Variants in JARID2 observed in about 807,000 individuals in gnomAD.
JARID2 encodes the protein jumonji and AT-rich interaction domain containing 2.
Under a neutral mutation model 125.6 loss-of-function variants are expected in JARID2, and 21 were observed. The observed-to-expected ratio is 0.17, with a 90% confidence interval of 0.12 to 0.24. The LOEUF (loss-of-function observed/expected upper bound fraction) is 0.24, where lower values mean the gene tolerates loss of function less well. Among genes scored for constraint, JARID2 ranks in the 10% least tolerant of loss-of-function variants. JARID2 has a pLI of 1.00. For synonymous variants in JARID2, 736 were observed against 661.6 expected, an observed-to-expected ratio of 1.11 and a Z score of -1.73; for missense variants, 1,303 against 1,639.6, an observed-to-expected ratio of 0.79 and a Z score of 3.55.
intron 2 of JARID2, among the ~76,000 whole-genome samples, chr6:15,408,594 AGTAGGTGAAATCAAT>A (rs1307519198): frequency 6.6e-6 from 1 of 152,266 alleles, no homozygotes. Flanking sequence ...ACTCAAAAGA[AGTAGGTGAAATCAAT>A]GTTAATATAT....
chr6:15,365,933 TAAATC>T (rs1763957920), intron 1 of JARID2, among the ~76,000 whole-genome samples: 1 of 152,180 alleles, frequency 6.6e-6, no homozygotes, highest in Non-Finnish European at 1.5e-5. Context: ...TTTTTGGAAT[TAAATC>T]AATTGGAAAT....
intron 11 of JARID2, 121 bp downstream of exon 11, chr6:15,507,537 C>G: frequency 1.4e-6 from 1 of 711,292 alleles, no homozygotes; most frequent in Non-Finnish European, 2.4e-6. Context: ...TTCAGGCTTA[C>G]AGGACATACA....
intron 1 of JARID2, among the ~76,000 whole-genome samples, chr6:15,269,359 A>C (rs558040088): frequency 2.6e-5 from 4 of 152,076 alleles, no homozygotes; most frequent in Non-Finnish European, 5.9e-5. Context: ...TTGAACCTTC[A>C]GCATTTTTTA....
At chr6:15,287,041 G>A (rs1028746557) in intron 1 of JARID2, among the ~76,000 whole-genome samples, 1 of 152,106 alleles carries the variant, frequency 6.6e-6, no homozygotes, top group Admixed American at 6.5e-5. Flanking sequence ...TGAACCTGAG[G>A]CTTGAACCTG....
chr6:15,284,511 C>CT (rs11286654), intron 1 of JARID2, among the ~76,000 whole-genome samples: 3,126 of 140,282 alleles, frequency 0.022, 62 homozygotes, highest in Admixed American at 0.073. Flanking sequence ...TTTTATAATC[C>CT]TTTTTTTTTT....
At position 15,286,137 on chromosome 6, in the gene JARID2, G is replaced by C. The variant is rs545236132; in HGVS notation, c.45+39553G>C. ...AGCCAATTGCTTGACTCTCCTTTGG[G>C]TGAGTGGCTAAGTAAGTTAACAAGT... is the stretch of plus-strand genomic sequence containing the variant. On this transcript the variant is annotated intron_variant, in intron 1 of 17. Transcript: ENST00000341776. Among the ~76,000 whole-genome samples the C allele has an allele frequency of 4.7e-4, 71 of 152,292 alleles. 1 individual carries two copies. The highest frequency in any genetic ancestry group is 1.4e-3 in the African/African-American group (59 of 41,572).
intron 2 of JARID2, among the ~76,000 whole-genome samples, chr6:15,383,378 TC>T (rs1764665203): frequency 6.6e-6 from 1 of 151,472 alleles, no homozygotes; most frequent in African/African-American, 2.4e-5. Context: ...AATTAATAAC[TC>T]CCCCTCCATG....
In JARID2 at chr6:15,520,844, A is replaced by G. The variant is rs1240780716; in HGVS notation, c.*593A>G. ...TGAAGGCGGACGTTGTTTCCTAACC[A>G]TAGGTGGAACGAGGAGACGGGAGCG... On this transcript the variant is annotated 3_prime_UTR_variant, in exon 18 of 18. Transcript: ENST00000341776. 6.6e-6 allele frequency: 3 copies of G among 455,790 alleles called. No individual in the cohort carries two copies. Among genetic ancestry groups the G allele is most frequent in the Middle Eastern group, 3.2e-4 (1 of 3,090 alleles). The allele number at this position is 455,790 out of a possible 1,614,324, so 28.2% of individuals were successfully genotyped here.
chr6:15,303,503 T>TAAG (rs1484202021), intron 1 of JARID2, among the ~76,000 whole-genome samples: 1 of 152,278 alleles, frequency 6.6e-6, no homozygotes, highest in Non-Finnish European at 1.5e-5. Context: ...GGGTGCTTTT[T>TAAG]AAGCCTTAGG....
At chr6:15,511,240 A>C (rs1049879755) in intron 12 of JARID2, 56 bp from the exon 13 acceptor site, 17 of 1,235,944 alleles carry the variant, frequency 1.4e-5, no homozygotes, top group Non-Finnish European at 1.9e-5. Context: ...GGCCCAGTAC[A>C]TGCAGGAGGC....
At chr6:15,277,022 C>T (rs1035602967) in intron 1 of JARID2, among the ~76,000 whole-genome samples, 1 of 152,196 alleles carries the variant, frequency 6.6e-6, no homozygotes, top group Non-Finnish European at 1.5e-5. Flanking sequence ...TTCAAATTTT[C>T]AGTTCTTCAT....
intron 1 of JARID2, among the ~76,000 whole-genome samples, chr6:15,334,786 C>T (rs1561798654): frequency 6.6e-6 from 1 of 152,180 alleles, no homozygotes; most frequent in Non-Finnish European, 1.5e-5. Context: ...ACTTGGGGTA[C>T]TGTGGGCCTG....
chr6:15,317,105 G>T (rs1294340055), intron 1 of JARID2, among the ~76,000 whole-genome samples: 1 of 152,092 alleles, frequency 6.6e-6, no homozygotes, highest in East Asian at 1.9e-4. Flanking sequence ...ATTAGCAATG[G>T]TACTTTGTTG....
chr6:15,410,806 A>G (rs1765844911), intron 3 of JARID2, among the ~76,000 whole-genome samples: 1 of 152,218 alleles, frequency 6.6e-6, no homozygotes, highest in South Asian at 2.1e-4. Context: ...TACACTGTGT[A>G]TTTTTAATCC....
chr6:15,372,619 G>T (rs1764213114), intron 1 of JARID2, among the ~76,000 whole-genome samples: 1 of 152,106 alleles, frequency 6.6e-6, no homozygotes, highest in Non-Finnish European at 1.5e-5. Flanking sequence ...CTCTCAAAGT[G>T]CTGGGATTAC....
In JARID2 at chr6:15,436,209, C is replaced by G. The variant is rs138004284; in HGVS notation, c.324-15797C>G. On this transcript the variant is annotated intron_variant, in intron 3 of 17. Transcript: ENST00000341776. Reference sequence around the variant, plus strand: ...GGGATTTCTGTAACCCATGATCCTACCCTTGGTGTATCAGAAGAATCGGAT... The same window carrying G: ...GGGATTTCTGTAACCCATGATCCTAGCCTTGGTGTATCAGAAGAATCGGAT... Among the ~76,000 whole-genome samples, 22 of 152,280 alleles carry G rather than the reference C, an allele frequency of 1.4e-4. No individual in the cohort carries two copies. The East Asian group carries it at 3.9e-3, about 27-fold the overall frequency.
At chr6:15,443,655 G>A (rs1190646148) in intron 3 of JARID2, among the ~76,000 whole-genome samples, 2 of 152,072 alleles carry the variant, frequency 1.3e-5, no homozygotes, top group Non-Finnish European at 2.9e-5. Flanking sequence ...CTACTCTTAC[G>A]AAATGATAGA....
intron 1 of JARID2, among the ~76,000 whole-genome samples, chr6:15,308,395 G>T (rs1290940912): frequency 6.6e-6 from 1 of 152,150 alleles, no homozygotes; most frequent in Non-Finnish European, 1.5e-5. Context: ...CTGGATGTTT[G>T]TGCTGTTTGT....
At chr6:15,473,316 G>A (rs1293360372) in intron 5 of JARID2, among the ~76,000 whole-genome samples, 1 of 152,152 alleles carries the variant, frequency 6.6e-6, no homozygotes, top group East Asian at 1.9e-4. Flanking sequence ...GATGAACACG[G>A]CAATAGGATC....
Sources: allele counts gnomAD v4.1 joint callset (sites outside exome capture counted in the v4.1 genomes callset), GRCh38; gene constraint gnomAD v4.1.1; transcripts MANE v1.5; gene names NCBI Gene and HGNC (gene_info 2026-07-23, HGNC 2026-07-21).